Variants in HDAC9 observed in about 807,000 individuals in gnomAD.
HDAC9 encodes the protein histone deacetylase 9.
In HDAC9, 41 loss-of-function variants were observed where a neutral mutation model predicts 139.4. That is an observed-to-expected ratio of 0.29 (90% CI 0.23 to 0.38). The LOEUF is 0.38. HDAC9 is among the 10% of genes least tolerant of loss of function. HDAC9 has a pLI of 1.00. For synonymous variants in HDAC9, 517 were observed against 476.2 expected (o/e 1.09, Z -1.12); for missense variants, 1,147 against 1,297.0 (o/e 0.88, Z 1.78).
chr7:18,756,461 T>C (rs1212006261), intron 14 of HDAC9, among the ~76,000 whole-genome samples: 1 of 152,264 alleles, frequency 6.6e-6, no homozygotes, highest in African/African-American at 2.4e-5. Flanking sequence ...ATAGCTGGAC[T>C]CCTTTTGAAA....
At chr7:18,435,943 A>T (rs916533699) in intron 1 of HDAC9, among the ~76,000 whole-genome samples, 5 of 144,598 alleles carry the variant, frequency 3.5e-5, no homozygotes, top group African/African-American at 1.2e-4. Context: ...GAACTGGAAA[A>T]TTTATATATA....
intron 22 of HDAC9, among the ~76,000 whole-genome samples, chr7:18,909,771 A>G (rs1465191170): frequency 6.6e-6 from 1 of 151,898 alleles, no homozygotes; most frequent in East Asian, 1.9e-4. Context: ...GACTCTATAT[A>G]TGTGGGCTTA....
In HDAC9 at chr7:18,100,430, C is replaced by T. The variant is rs181766067; in HGVS notation, c.-97+13217C>T. 5.0e-3 allele frequency among the ~76,000 whole-genome samples: 754 copies of T among 152,130 alleles called. 12 individuals are homozygous for T. The highest frequency in any genetic ancestry group is 8.9e-3 in the Non-Finnish European group (606 of 67,982). On this transcript the variant is annotated intron_variant, in intron 1 of 12. Transcript: ENST00000417496. Reference sequence around the variant, plus strand: ...CTCTTTTTTCTCTTATTCAGGAACTCCAGTTGCATGTATATTAGGATCACT... The same window carrying T: ...CTCTTTTTTCTCTTATTCAGGAACTTCAGTTGCATGTATATTAGGATCACT...
intron 21 of HDAC9, among the ~76,000 whole-genome samples, chr7:18,844,364 A>G (rs1562982881): frequency 6.6e-6 from 1 of 152,154 alleles, no homozygotes; most frequent in East Asian, 1.9e-4. Context: ...CTCAACTTCA[A>G]AGTGGAGAGA....
intron 2 of HDAC9, among the ~76,000 whole-genome samples, chr7:18,541,151 T>TTG (rs1298953776): frequency 8.1e-5 from 12 of 147,432 alleles, no homozygotes; most frequent in Non-Finnish European, 1.5e-4. Context: ...GTTTTTTTTT[T>TTG]TTTTTTTTTT....
intron 1 of HDAC9, among the ~76,000 whole-genome samples, chr7:18,407,046 C>T (rs563012570): frequency 6.6e-6 from 1 of 151,950 alleles, no homozygotes; most frequent in Non-Finnish European, 1.5e-5. Context: ...TATGTATAGA[C>T]CCAGCTTAGG....
intron 1 of HDAC9, among the ~76,000 whole-genome samples, chr7:18,128,066 A>G (rs924157974): frequency 8.5e-5 from 13 of 152,238 alleles, no homozygotes; most frequent in East Asian, 1.9e-4. Flanking sequence ...TACGGTTCTC[A>G]GTATCCAACC....
chr7:18,756,441 G>A lies in HDAC9; in HGVS notation c.2044-5716G>A, dbSNP rs76449441. Among the ~76,000 whole-genome samples the A allele has an allele frequency of 9.5e-3, 1,452 of 152,296 alleles. 22 individuals are homozygous for A. Among genetic ancestry groups the A allele is most frequent in the African/African-American group, 0.033 (1,379 of 41,570 alleles). On this transcript the variant is annotated intron_variant, in intron 14 of 25. Transcript: ENST00000686413. ...TTATGATTAAGCTTATAAGAAACAA[G>A]CATCATGGAATAGCTGGACTCCTTT...
At chr7:18,424,790 C>T (rs1789958997) in intron 1 of HDAC9, among the ~76,000 whole-genome samples, 1 of 152,128 alleles carries the variant, frequency 6.6e-6, no homozygotes, top group Non-Finnish European at 1.5e-5. Context: ...ACGTGCCCAG[C>T]TACTCTGGAG....
intron 14 of HDAC9, among the ~76,000 whole-genome samples, chr7:18,760,997 A>G (rs1345419178): frequency 1.3e-5 from 2 of 152,218 alleles, no homozygotes; most frequent in African/African-American, 2.4e-5. Context: ...TTGGTCAGGA[A>G]CATGAAAGGA....
chr7:18,119,950 C>G (rs1207878492), intron 1 of HDAC9, among the ~76,000 whole-genome samples: 1 of 152,160 alleles, frequency 6.6e-6, no homozygotes, highest in Non-Finnish European at 1.5e-5. Flanking sequence ...ATGATCTTGT[C>G]ATGCTTTCCA....
chr7:18,640,562 T>C (rs1785276639), intron 8 of HDAC9, among the ~76,000 whole-genome samples: 1 of 151,778 alleles, frequency 6.6e-6, no homozygotes, highest in Non-Finnish European at 1.5e-5. Context: ...CTCCATCTCC[T>C]TTCCCCACTT....
chr7:18,130,343 T>A (rs1425781530), intron 1 of HDAC9, among the ~76,000 whole-genome samples: 2 of 152,074 alleles, frequency 1.3e-5, no homozygotes, highest in Non-Finnish European at 2.9e-5. Context: ...CTCAAAGAAT[T>A]GAAAGGTAAG....
intron 2 of HDAC9, among the ~76,000 whole-genome samples, chr7:18,567,430 T>C (rs907496790): frequency 6.6e-6 from 1 of 152,244 alleles, no homozygotes; most frequent in Non-Finnish European, 1.5e-5. Context: ...TCAAGATTTA[T>C]AAATTCCAAG....
At chr7:18,252,315 A>G (rs1222857060) in intron 2 of HDAC9, among the ~76,000 whole-genome samples, 1 of 152,226 alleles carries the variant, frequency 6.6e-6, no homozygotes, top group African/African-American at 2.4e-5. Context: ...GTCTGAAAGC[A>G]GAGAGCATAT....
intron 12 of HDAC9, chr7:18,667,750 C>G: frequency 1.0e-6 from 1 of 984,300 alleles, no homozygotes; most frequent in Non-Finnish European, 1.2e-6. Context: ...AAAGGGCACT[C>G]TATGAATTGA....
At chr7:18,626,984 C>T (rs921810626) in intron 6 of HDAC9, among the ~76,000 whole-genome samples, 5 of 152,164 alleles carry the variant, frequency 3.3e-5, no homozygotes, top group African/African-American at 1.2e-4. Flanking sequence ...CCCCTCTTAG[C>T]TGTATAACTA....
intron 22 of HDAC9, among the ~76,000 whole-genome samples, chr7:18,893,572 A>C (rs1800890801): frequency 6.6e-6 from 1 of 152,186 alleles, no homozygotes; most frequent in Non-Finnish European, 1.5e-5. Flanking sequence ...ATGTATTTCA[A>C]CTGCCCAATA....
intron 21 of HDAC9, among the ~76,000 whole-genome samples, chr7:18,855,801 A>G (rs1797630109): frequency 6.6e-6 from 1 of 152,030 alleles, no homozygotes; most frequent in Admixed American, 6.6e-5. Flanking sequence ...TCTATTACCA[A>G]CTTGGTCTCT....
Sources: allele counts gnomAD v4.1 joint callset (sites outside exome capture counted in the v4.1 genomes callset), GRCh38; gene constraint gnomAD v4.1.1; transcripts MANE v1.5; gene names NCBI Gene and HGNC (gene_info 2026-07-23, HGNC 2026-07-21).